SLC39A12: variants seen among roughly 807,000 people sequenced by gnomAD.
SLC39A12 encodes the protein solute carrier family 39 member 12, also known as zinc transporter ZIP12.
Under a neutral mutation model 71.1 loss-of-function variants are expected in SLC39A12, and 63 were observed. The observed-to-expected ratio is 0.89, with a 90% CI of 0.72 to 1.09. The LOEUF (loss-of-function observed/expected upper bound fraction) is 1.09, where lower values mean the gene tolerates loss of function less well. Ranked by LOEUF, SLC39A12 falls within the 50% of genes least tolerant of loss-of-function variation. SLC39A12 has a pLI of 0.00. For missense variants in SLC39A12, 892 were observed against 812.6 expected, an observed-to-expected ratio of 1.10 and a Z score of -1.19; for synonymous variants, 351 against 301.3, an observed-to-expected ratio of 1.16 and a Z score of -1.71.
At position 17,981,353 on chromosome 10, in the gene SLC39A12, GA is replaced by G; in HGVS notation, c.968del (p.Lys323ArgfsTer14). The part of the protein sequence containing the change: ...ARQLVEIFLQ[K>X]GLSLISKEDF... ...GGCAGCTGGTGGAGATATTTCTACA[GA>G]AGGGCCTCTCACTCATTTCTAAGGA... On this transcript the variant is annotated frameshift_variant, in exon 6 of 13. Coordinates refer to ENST00000377369, the MANE Select transcript of SLC39A12 (RefSeq NM_001145195.2). LOFTEE classifies it high-confidence loss of function. The G allele has an allele frequency of 6.2e-7, 1 of 1,613,384 alleles. No homozygotes were observed. Among genetic ancestry groups the G allele is most frequent in the Admixed American group, 1.7e-5 (1 of 59,976 alleles).
intron 12 of SLC39A12, among the ~76,000 whole-genome samples, chr10:18,034,603 T>C (rs1375614298): frequency 8.6e-5 from 13 of 151,840 alleles, no homozygotes; most frequent in African/African-American, 2.9e-4. Flanking sequence ...CTTTATCCAA[T>C]TTGCCAGTCT....
chr10:18,027,254 T>G (rs1753700318), intron 12 of SLC39A12, among the ~76,000 whole-genome samples: 1 of 152,234 alleles, frequency 6.6e-6, no homozygotes, highest in African/African-American at 2.4e-5. Flanking sequence ...TCATTATCCC[T>G]TCCCTCAAGT....
At chr10:17,995,752 A>G in intron 10 of SLC39A12, 30 bp downstream of exon 10, 1 of 1,584,950 alleles carries the variant, frequency 6.3e-7, no homozygotes, top group Non-Finnish European at 8.6e-7. Context: ...TTACATGTGG[A>G]AAGTGCCATA....
intron 6 of SLC39A12, among the ~76,000 whole-genome samples, chr10:17,984,409 T>A (rs1354513890): frequency 1.3e-5 from 2 of 152,256 alleles, no homozygotes; most frequent in Non-Finnish European, 2.9e-5. Context: ...CTGGGAAATG[T>A]TGTACCCTGA....
intron 4 of SLC39A12, among the ~76,000 whole-genome samples, chr10:17,977,522 A>T (rs1835140071): frequency 6.6e-6 from 1 of 152,178 alleles, no homozygotes; most frequent in South Asian, 2.1e-4. Flanking sequence ...GCATTAGAAA[A>T]CAAGATCTAG....
chr10:17,975,504 C>T (rs1835086343), intron 4 of SLC39A12, among the ~76,000 whole-genome samples: 1 of 152,172 alleles, frequency 6.6e-6, no homozygotes, highest in South Asian at 2.1e-4. Flanking sequence ...GCAACTCTAA[C>T]CACTGCCCCA....
At chr10:17,987,954 G>A (rs2497839) in intron 7 of SLC39A12, among the ~76,000 whole-genome samples, 35,135 of 152,012 alleles carry the variant, frequency 0.23, 5,032 homozygotes, top group Admixed American at 0.36. Context: ...CGGGAAGATC[G>A]CTGGAGCCCA....
In SLC39A12 at chr10:17,965,483, T is replaced by C. The variant is rs1834800400; in HGVS notation, c.544T>C (p.Cys182Arg). 6.2e-7 allele frequency: 1 copy of C among 1,613,630 alleles called. No individual in the cohort carries two copies. The highest frequency in any genetic ancestry group is 8.5e-7 in the Non-Finnish European group (1 of 1,179,766). ...RQYFDTSQSQ[C>R]METKTLQKKS... ...CTCTTTATTTTGTATCTGATTTCAGTGTATGGAAACCAAAACGCTGCAGAA... is the reference window on the plus strand; with the variant it reads ...CTCTTTATTTTGTATCTGATTTCAGCGTATGGAAACCAAAACGCTGCAGAA... Residue 182 changes from cysteine to arginine, a missense_variant and splice_region_variant, in exon 4 of 13, where the codon TGT becomes CGT. By Grantham distance (180) the Cys-to-Arg change is radical. Transcript: ENST00000377369.
chr10:17,993,274 G>A lies in SLC39A12; in HGVS notation c.1516G>A (p.Ala506Thr). 1.3e-6 allele frequency: 2 copies of A among 1,551,416 alleles called. No homozygotes were observed. Among genetic ancestry groups the A allele is most frequent in the Non-Finnish European group, 1.7e-6 (2 of 1,146,574 alleles). Reference sequence around the variant, plus strand: ...TGACCAGGCAGGCAGAGGCAAATCTGCTTCAACTATCCAGTTGGTAGGTTC... The same window carrying A: ...TGACCAGGCAGGCAGAGGCAAATCTACTTCAACTATCCAGTTGGTAGGTTC... ...LSDQAGRGKS[A>T]STIQLKSPED... Residue 506 changes from alanine to threonine, a missense_variant, in exon 9 of 13, where the codon GCT (alanine) becomes ACT (threonine). Physicochemically the swap from Ala to Thr is moderately conservative, Grantham distance 58. Coordinates refer to ENST00000377369, the MANE Select transcript of SLC39A12 (RefSeq NM_001145195.2).
intron 11 of SLC39A12, among the ~76,000 whole-genome samples, chr10:18,001,295 A>G (rs897117569): frequency 6.6e-6 from 1 of 152,170 alleles, no homozygotes; most frequent in African/African-American, 2.4e-5. Flanking sequence ...CATGTGGATC[A>G]CCTGAGGACA....
Position 17,987,593 on chromosome 10 carries a change from T to G in SLC39A12, c.1211T>G (p.Phe404Cys). Residue 404 changes from phenylalanine to cysteine, a missense_variant, in exon 7 of 13, where the codon TTT becomes TGT. Coordinates refer to ENST00000377369, the MANE Select transcript of SLC39A12 (RefSeq NM_001145195.2). ...AACTACAGGCTTATCTTACAGCTGT[T>G]TGTGGGCTTGGCCGTCGGGACACTG... is the stretch of plus-strand genomic sequence containing the variant. ...EENYRLILQL[F>C]VGLAVGTLSG... The G allele has an allele frequency of 6.2e-7, 1 of 1,614,176 alleles. No homozygotes were observed. Among genetic ancestry groups the G allele is most frequent in the Non-Finnish European group, 8.5e-7 (1 of 1,180,034 alleles).
At chr10:17,982,016 G>A (rs910443967) in intron 6 of SLC39A12, among the ~76,000 whole-genome samples, 2 of 152,104 alleles carry the variant, frequency 1.3e-5, no homozygotes, top group African/African-American at 4.8e-5. Context: ...TTCCAGCCCA[G>A]TGGAAAGCAG....
At chr10:17,963,124 ATACTC>A (rs1288721655) in intron 3 of SLC39A12, among the ~76,000 whole-genome samples, 1 of 152,096 alleles carries the variant, frequency 6.6e-6, no homozygotes, top group African/African-American at 2.4e-5. Flanking sequence ...CTGTGTCACT[ATACTC>A]TACCCTGGGC....
At chr10:17,975,637 G>T (rs1835090382) in intron 4 of SLC39A12, among the ~76,000 whole-genome samples, 1 of 152,164 alleles carries the variant, frequency 6.6e-6, no homozygotes, top group African/African-American at 2.4e-5. Context: ...CCTGGGGTTA[G>T]GGAAGGGGTA....
intron 4 of SLC39A12, among the ~76,000 whole-genome samples, chr10:17,966,026 T>C (rs1225453074): frequency 1.3e-5 from 2 of 152,230 alleles, no homozygotes; most frequent in African/African-American, 4.8e-5. Context: ...AACAAACTGC[T>C]GTGTAGAATG....
chr10:18,012,872 A>G (rs1836267730), intron 12 of SLC39A12, among the ~76,000 whole-genome samples: 2 of 151,740 alleles, frequency 1.3e-5, no homozygotes. Context: ...TCTCAAAAAA[A>G]AAAAAAAAAA....
chr10:17,956,607 G>A (rs1420123026), intron 2 of SLC39A12, among the ~76,000 whole-genome samples: 2 of 152,122 alleles, frequency 1.3e-5, no homozygotes, highest in African/African-American at 4.8e-5. Context: ...CTAGAGCAGC[G>A]CCATTCCTCA....
chr10:18,036,755 TA>T (rs1837039255), intron 12 of SLC39A12, among the ~76,000 whole-genome samples: 2 of 5,118 alleles, frequency 3.9e-4, no homozygotes, highest in Non-Finnish European at 8.7e-4. Context: ...ATTATATATA[TA>T]TATATATATA....
intron 3 of SLC39A12, among the ~76,000 whole-genome samples, chr10:17,962,156 ACC>A (rs1299191069): frequency 1.3e-5 from 2 of 152,152 alleles, no homozygotes; most frequent in African/African-American, 4.8e-5. Context: ...AATCAGTATG[ACC>A]CAAGGCTTTT....
Sources: allele counts gnomAD v4.1 joint callset (sites outside exome capture counted in the v4.1 genomes callset), GRCh38; gene constraint gnomAD v4.1.1; transcripts MANE v1.5; gene names NCBI Gene and HGNC (gene_info 2026-07-23, HGNC 2026-07-21).